The following DNM1 variants were observed in gnomAD, a reference collection of about 807,000 sequenced individuals.
The protein encoded by DNM1 is dynamin 1.
Under a neutral mutation model 104.6 loss-of-function variants are expected in DNM1, and 29 were observed. The observed-to-expected ratio is 0.28, with a 90% CI of 0.21 to 0.38. The LOEUF (loss-of-function observed/expected upper bound fraction) is 0.38. Ranked by LOEUF, DNM1 falls within the 10% of genes least tolerant of loss-of-function variation. DNM1 has a pLI of 1.00. For missense variants in DNM1, 640 were observed against 1,189.4 expected (o/e 0.54, Z 6.79); for synonymous variants, 445 against 475.8 (o/e 0.94, Z 0.84).
intron 21 of DNM1, chr9:128,252,708 GA>G: frequency 2.0e-6 from 1 of 493,262 alleles, no homozygotes; most frequent in Non-Finnish European, 4.0e-6. Context: ...GGACTTTAGC[GA>G]GCAAGCCCTA....
At position 128,220,437 on chromosome 9, in the gene DNM1, C is replaced by T; in HGVS notation, c.849+96C>T. 4 of 1,466,432 alleles carry T rather than the reference C, an allele frequency of 2.7e-6. No individual in the cohort carries two copies. Among genetic ancestry groups the T allele is most frequent in the Non-Finnish European group, 3.7e-6 (4 of 1,080,054 alleles). The allele number at this position is 1,466,432 out of a possible 1,614,324, so 90.8% of individuals were successfully genotyped here. A position where few individuals can be genotyped will look rare whatever the true frequency, so the allele number is the denominator to read the frequency against. ...GAGTGAACAGCAGAGGTTAGCCTCT[C>T]CGTAGTGCAGATAGACAAACTGAGC... is the stretch of plus-strand genomic sequence containing the variant. On this transcript the variant is annotated intron_variant, in intron 6 of 21. Transcript: ENST00000372923. The surrounding 1 kb of genome is among the most constrained non-coding windows in gnomAD (Gnocchi z 5.2).
Position 128,224,248 on chromosome 9 carries a change from C to G in DNM1, c.1197-3C>G. 6.2e-7 allele frequency: 1 copy of G among 1,613,040 alleles called. No individual in the cohort carries two copies. The highest frequency in any genetic ancestry group is 8.5e-7 in the Non-Finnish European group (1 of 1,179,482). On this transcript the variant is annotated splice_region_variant and splice_polypyrimidine_tract_variant and intron_variant, in intron 9 of 21. Coordinates refer to ENST00000372923, the MANE Select transcript of DNM1 (RefSeq NM_004408.4). This position sits in a 1 kb window ranked among gnomAD's most constrained non-coding sequence, Gnocchi z 4.3. ...CTGCCCTTCTCCCGCTCCGGGCGTTCAGAACGGGGCTGTTTACCCCAGACA... is the reference window on the plus strand; with the variant it reads ...CTGCCCTTCTCCCGCTCCGGGCGTTGAGAACGGGGCTGTTTACCCCAGACA...
chr9:128,216,868 G>T (rs1318080312), intron 1 of DNM1, among the ~76,000 whole-genome samples: 1 of 152,170 alleles, frequency 6.6e-6, no homozygotes, highest in African/African-American at 2.4e-5. Context: ...CATGAATAAG[G>T]CGCTGGCTGT....
chr9:128,203,742 G>A lies in DNM1; in HGVS notation c.161+111G>A. ...TCGCAGCCCCCGACGCTGCACCCGC[G>A]GCCGGCGCGCCCCCCACCCCCAGCC... is the stretch of plus-strand genomic sequence containing the variant. On this transcript the variant is annotated intron_variant, in intron 1 of 21. Transcript: ENST00000372923. This position sits in a 1 kb window ranked among gnomAD's most constrained non-coding sequence, Gnocchi z 5.3. 9.4e-7 allele frequency: 1 copy of A among 1,063,746 alleles called. No individual in the cohort carries two copies. Among genetic ancestry groups the A allele is most frequent in the Non-Finnish European group, 1.2e-6 (1 of 835,848 alleles). 65.9% of individuals were successfully genotyped at this position (1,063,746 alleles called of 1,614,324 possible).
chr9:128,250,538 G>A (rs1829450158), intron 20 of DNM1, among the ~76,000 whole-genome samples, 182 bp downstream of exon 20: 1 of 152,194 alleles, frequency 6.6e-6, no homozygotes, highest in Non-Finnish European at 1.5e-5. Context: ...CTGGCTGCAA[G>A]GCTGGGTGGA....
chr9:128,226,839 G>C lies in DNM1; in HGVS notation c.1335+2450G>C, dbSNP rs569224962. On this transcript the variant is annotated intron_variant, in intron 10 of 21. Transcript: ENST00000372923. Reference sequence around the variant, plus strand: ...AGGTTGTCTAAAGCAGTTCTTCCCAGGGGAGTGCGAGAGAATCAGTTGCCT... The same window carrying C: ...AGGTTGTCTAAAGCAGTTCTTCCCACGGGAGTGCGAGAGAATCAGTTGCCT... Among the ~76,000 whole-genome samples, 9 of 152,154 alleles carry C rather than the reference G, an allele frequency of 5.9e-5. No homozygotes were observed. The East Asian group carries it at 1.5e-3, about 26-fold the overall frequency.
chr9:128,203,948 T>G lies in DNM1; in HGVS notation c.161+317T>G, dbSNP rs1330539698. On this transcript the variant is annotated intron_variant, in intron 1 of 21. Coordinates refer to ENST00000372923, the MANE Select transcript of DNM1 (RefSeq NM_004408.4). The surrounding 1 kb of genome is among the most constrained non-coding windows in gnomAD (Gnocchi z 5.3). Reference sequence around the variant, plus strand: ...AAAGAGCTGCCCCCCGCCCCCAACATGGGCATGGAGAGAGCCCGCATTACT... The same window carrying G: ...AAAGAGCTGCCCCCCGCCCCCAACAGGGGCATGGAGAGAGCCCGCATTACT... 4 of 177,236 alleles carry G rather than the reference T, an allele frequency of 2.3e-5. No homozygotes were observed. Among genetic ancestry groups the G allele is most frequent in the Non-Finnish European group, 4.7e-5 (4 of 85,342 alleles). 11.0% of individuals were successfully genotyped at this position (177,236 alleles called of 1,614,324 possible). A position where few individuals can be genotyped will look rare whatever the true frequency, so the allele number is the denominator to read the frequency against.
chr9:128,215,794 A>C (rs563359734), intron 1 of DNM1, among the ~76,000 whole-genome samples: 2 of 152,148 alleles, frequency 1.3e-5, no homozygotes, highest in Admixed American at 1.3e-4. Flanking sequence ...GGGGAGTCCC[A>C]TCCTTTCCAG....
At chr9:128,239,554 G>A (rs1326076225) in intron 12 of DNM1, 39 bp downstream of exon 12, 1 of 1,506,460 alleles carries the variant, frequency 6.6e-7, no homozygotes, top group African/African-American at 1.4e-5. Context: ...TGCTCCCTGG[G>A]CAGAGAAGGT....
chr9:128,251,981 T>C (rs115323497), intron 21 of DNM1: 3,084 of 165,710 alleles, frequency 0.019, 79 homozygotes, highest in African/African-American at 0.07. Flanking sequence ...GATGCTCTGA[T>C]GACCAAAGCA....
chr9:128,239,018 C>G (rs1281824126), intron 11 of DNM1, among the ~76,000 whole-genome samples: 1 of 151,482 alleles, frequency 6.6e-6, no homozygotes, highest in Non-Finnish European at 1.5e-5. Context: ...CTTCTTTTCT[C>G]TCAGGGTTTT....
chr9:128,243,469 C>T lies in DNM1; in HGVS notation c.1671+1124C>T, dbSNP rs1166949614. ...AGGTCCCTGTCTCCTCCAAGTTTGT[C>T]CTGGGCAGGGGCCCCAACTCTCCAC... On this transcript the variant is annotated intron_variant, in intron 15 of 21. Transcript: ENST00000372923. This position sits in a 1 kb window ranked among gnomAD's most constrained non-coding sequence, Gnocchi z 4.0. Among the ~76,000 whole-genome samples the T allele has an allele frequency of 1.3e-5, 2 of 152,334 alleles. No homozygotes were observed. The highest frequency in any genetic ancestry group is 2.1e-4 in the South Asian group (1 of 4,828).
chr9:128,210,694 C>T (rs966215011), intron 1 of DNM1, among the ~76,000 whole-genome samples: 2 of 152,150 alleles, frequency 1.3e-5, no homozygotes, highest in Non-Finnish European at 2.9e-5. Flanking sequence ...GCGTAGGGAA[C>T]CTGCCTAATG....
chr9:128,248,594 C>A lies in DNM1; in HGVS notation c.1917C>A (p.Thr639=). The change falls in exon 19 of 22, where the codon ACC becomes ACA. Residue 639 remains threonine, a synonymous_variant. Transcript: ENST00000372923. This position sits in a 1 kb window ranked among gnomAD's most constrained non-coding sequence, Gnocchi z 5.6. ...RVGDKEKASE[T]EENGSDSFMH... is the part of the protein sequence containing the mutation. ...GTTCTCCATGGCAGGCCAGCGAGAC[C>A]GAGGAGAATGGCTCCGACAGCTTCA... is the stretch of plus-strand genomic sequence containing the variant. 2 of 1,613,656 alleles carry A rather than the reference C, an allele frequency of 1.2e-6. No homozygotes were observed. Among genetic ancestry groups the A allele is most frequent in the African/African-American group, 1.3e-5 (1 of 74,998 alleles).
chr9:128,208,867 C>A (rs1419888172), intron 1 of DNM1, among the ~76,000 whole-genome samples: 3 of 152,176 alleles, frequency 2.0e-5, no homozygotes, highest in Admixed American at 6.5e-5. Context: ...TGGACCTGAG[C>A]AAGACTAGGA....
At chr9:128,217,083 C>T (rs182759712) in intron 1 of DNM1, among the ~76,000 whole-genome samples, 328 of 152,316 alleles carry the variant, frequency 2.2e-3, no homozygotes, top group Non-Finnish European at 3.7e-3. Context: ...AAAAGGACAG[C>T]TGAGGTTGAC....
chr9:128,218,212 G>T lies in DNM1; in HGVS notation c.162-19G>T. ...CCCCCTCATATCTTGACCCTCCTTT[G>T]ACCTCCAACTCATTGCAGGGACTTC... On this transcript the variant is annotated intron_variant, in intron 1 of 21. Transcript: ENST00000372923. This position sits in a 1 kb window ranked among gnomAD's most constrained non-coding sequence, Gnocchi z 4.8. The T allele has an allele frequency of 6.2e-7, 1 of 1,613,670 alleles. No individual in the cohort carries two copies. Among genetic ancestry groups the T allele is most frequent in the South Asian group, 1.1e-5 (1 of 91,064 alleles).
In DNM1 at chr9:128,248,290, C is replaced by T. The variant is rs1224558730; in HGVS notation, c.1906-293C>T. 8 of 486,654 alleles carry T rather than the reference C, an allele frequency of 1.6e-5. No homozygotes were observed. Among genetic ancestry groups the T allele is most frequent in the Admixed American group, 1.0e-4 (3 of 29,048 alleles). 30.1% of individuals were successfully genotyped at this position (486,654 alleles called of 1,614,324 possible). ...AATGAGCCAATACAGCACCACTGCA[C>T]TCCAGCCTGGGTGACAAAGCAAGAC... On this transcript the variant is annotated intron_variant, in intron 18 of 21. Transcript: ENST00000372923. The surrounding 1 kb of genome is among the most constrained non-coding windows in gnomAD (Gnocchi z 5.6).
At chr9:128,204,889 C>T (rs1474393192) in intron 1 of DNM1, 1 of 152,326 alleles carries the variant, frequency 6.6e-6, no homozygotes, top group Non-Finnish European at 1.5e-5. Flanking sequence ...AGGCAAGTCA[C>T]TTGCCCTCTC....
Sources: allele counts gnomAD v4.1 joint callset (sites outside exome capture counted in the v4.1 genomes callset), GRCh38; gene constraint gnomAD v4.1.1; non-coding constraint Gnocchi (gnomAD v3.1); transcripts MANE v1.5; gene names NCBI Gene and HGNC (gene_info 2026-07-23, HGNC 2026-07-21).